Variants in SLC1A3 observed in about 807,000 individuals in gnomAD.
SLC1A3 encodes solute carrier family 1 member 3, also known as excitatory amino acid transporter 1.
Under a neutral mutation model 48.1 loss-of-function variants are expected in SLC1A3, and 21 were observed. The observed-to-expected ratio is 0.44, with a 90% CI of 0.31 to 0.63. The LOEUF (loss-of-function observed/expected upper bound fraction) is 0.63. Ranked by LOEUF, SLC1A3 falls within the 20% of genes least tolerant of loss-of-function variation. SLC1A3 has a pLI of 0.08. For missense variants in SLC1A3, 546 were observed against 689.0 expected (o/e 0.79, Z 2.32); for synonymous variants, 239 against 251.4 (o/e 0.95, Z 0.47).
chr5:36,603,715 A>G (rs149650723), upstream of SLC1A3, among the ~76,000 whole-genome samples: 1 of 152,308 alleles, frequency 6.6e-6, no homozygotes, highest in East Asian at 1.9e-4. Flanking sequence ...ATCCACTGTT[A>G]CACTCTGGGG....
At chr5:36,624,425 T>G (rs1011388740) in intron 2 of SLC1A3, among the ~76,000 whole-genome samples, 8 of 152,200 alleles carry the variant, frequency 5.3e-5, no homozygotes, top group African/African-American at 1.7e-4. Context: ...CTCCATGGAC[T>G]TAGGTGAGCA....
chr5:36,609,742 A>G (rs1316557851), intron 2 of SLC1A3, among the ~76,000 whole-genome samples: 1 of 152,202 alleles, frequency 6.6e-6, no homozygotes, highest in Non-Finnish European at 1.5e-5. Context: ...ATTTAGAGAT[A>G]TTCAAAGAGA....
At chr5:36,627,433 G>A (rs1354576937) in intron 2 of SLC1A3, among the ~76,000 whole-genome samples, 2 of 151,778 alleles carry the variant, frequency 1.3e-5, no homozygotes, top group African/African-American at 4.8e-5. Flanking sequence ...AAGCAATTTC[G>A]TAACATGGAT....
chr5:36,656,464 A>C (rs1393754814), intron 3 of SLC1A3, among the ~76,000 whole-genome samples: 1 of 152,168 alleles, frequency 6.6e-6, no homozygotes, highest in Non-Finnish European at 1.5e-5. Context: ...ACATGAGCTA[A>C]ATATTTTTCA....
In SLC1A3 at chr5:36,632,927, G is replaced by C. The variant is rs139055890; in HGVS notation, c.319+3340G>C. On this transcript the variant is annotated intron_variant, in intron 3 of 9. Transcript: ENST00000265113. ...ATCCCTGGTGTGTATTAGCATTCCA[G>C]AGGCTGCCAGAAAGAAGCTGGGAGG... is the stretch of plus-strand genomic sequence containing the variant. Among the ~76,000 whole-genome samples the C allele has an allele frequency of 5.3e-3, 806 of 152,288 alleles. 10 individuals are homozygous for C. The highest frequency in any genetic ancestry group is 0.018 in the African/African-American group (759 of 41,558).
upstream of SLC1A3, among the ~76,000 whole-genome samples, chr5:36,602,533 A>G (rs1262561615): frequency 6.6e-6 from 1 of 152,228 alleles, no homozygotes; most frequent in East Asian, 1.9e-4. Context: ...ACTGGGGAAA[A>G]TGTCACTTTT....
At chr5:36,674,211 G>C in intron 5 of SLC1A3, 120 bp downstream of exon 5, 1 of 838,300 alleles carries the variant, frequency 1.2e-6, no homozygotes, top group Non-Finnish European at 2.0e-6. Context: ...TTGTCAACCA[G>C]ATTAAAAACA....
At chr5:36,643,012 A>G (rs1374127627) in intron 3 of SLC1A3, among the ~76,000 whole-genome samples, 3 of 152,242 alleles carry the variant, frequency 2.0e-5, no homozygotes, top group African/African-American at 7.2e-5. Context: ...TCACATGTCC[A>G]TATTCCATAT....
intron 2 of SLC1A3, among the ~76,000 whole-genome samples, chr5:36,615,413 C>G (rs1368631375): frequency 2.6e-5 from 4 of 152,180 alleles, no homozygotes; most frequent in Non-Finnish European, 5.9e-5. Flanking sequence ...GTTTCCAGGG[C>G]ATGACACTGT....
At chr5:36,657,119 G>A (rs955012515) in intron 3 of SLC1A3, among the ~76,000 whole-genome samples, 2 of 152,128 alleles carry the variant, frequency 1.3e-5, no homozygotes, top group African/African-American at 4.8e-5. Context: ...CCTATCTAGA[G>A]GGGAAGGATA....
intron 5 of SLC1A3, among the ~76,000 whole-genome samples, chr5:36,676,539 T>C (rs1230310614): frequency 6.6e-6 from 1 of 152,210 alleles, no homozygotes; most frequent in African/African-American, 2.4e-5. Flanking sequence ...ATTATAGTCA[T>C]TTTATTAGGG....
intron 2 of SLC1A3, among the ~76,000 whole-genome samples, chr5:36,625,429 C>T (rs547767784): frequency 1.5e-4 from 23 of 152,276 alleles, no homozygotes; most frequent in African/African-American, 5.5e-4. Context: ...TGCACTCCAG[C>T]TTGGGTGACG....
intron 3 of SLC1A3, among the ~76,000 whole-genome samples, chr5:36,641,615 C>T (rs1345691069): frequency 6.6e-6 from 1 of 152,048 alleles, no homozygotes; most frequent in East Asian, 1.9e-4. Flanking sequence ...TGGAATCTTG[C>T]CATTTCTTTT....
At chr5:36,625,406 G>A (rs1475592815) in intron 2 of SLC1A3, among the ~76,000 whole-genome samples, 2 of 152,178 alleles carry the variant, frequency 1.3e-5, no homozygotes, top group African/African-American at 2.4e-5. Context: ...GCAGTGAGCC[G>A]AGATTGTGCC....
intron 3 of SLC1A3, among the ~76,000 whole-genome samples, chr5:36,632,596 T>C (rs879333783): frequency 6.6e-6 from 1 of 152,226 alleles, no homozygotes; most frequent in East Asian, 1.9e-4. Flanking sequence ...CATGCTCCCA[T>C]AGGAAATATT....
At chr5:36,626,432 C>T (rs745896853) in intron 2 of SLC1A3, among the ~76,000 whole-genome samples, 55 of 152,296 alleles carry the variant, frequency 3.6e-4, no homozygotes, top group Admixed American at 4.6e-4. Context: ...AAGTGTATTT[C>T]TAATAACAAA....
rs76967555 is a variant in SLC1A3 at position 36,670,848 on chromosome 5, T to C, written c.320-181T>C. Reference sequence around the variant, plus strand: ...TGACACTGCTGATGCCTCACCATTCTAGCCTCGGCCTTTTCCCTTCACCTT... The same window carrying C: ...TGACACTGCTGATGCCTCACCATTCCAGCCTCGGCCTTTTCCCTTCACCTT... On this transcript the variant is annotated intron_variant, in intron 3 of 9. Coordinates refer to ENST00000265113, the MANE Select transcript of SLC1A3 (RefSeq NM_004172.5). The C allele has an allele frequency of 1.8e-3, 1,146 of 650,422 alleles. 18 individuals carry two copies. In the African/African-American group the frequency reaches 0.019, roughly 11 times the overall value. 40.3% of individuals were successfully genotyped at this position (650,422 alleles called of 1,614,324 possible).
chr5:36,607,718 T>C (rs920736934), intron 1 of SLC1A3, among the ~76,000 whole-genome samples: 2 of 152,178 alleles, frequency 1.3e-5, no homozygotes, highest in Non-Finnish European at 2.9e-5. Flanking sequence ...ATGAAAAAAT[T>C]ACCCTGTAAA....
intron 3 of SLC1A3, among the ~76,000 whole-genome samples, chr5:36,630,820 AC>A (rs1317278928): frequency 6.6e-5 from 10 of 152,230 alleles, no homozygotes; most frequent in Non-Finnish European, 1.2e-4. Flanking sequence ...GATTGCATGT[AC>A]ATATGCTTTC....
Sources: gnomAD v4.1 joint callset for allele counts (sites outside exome capture counted in the v4.1 genomes callset) on GRCh38, gnomAD v4.1.1 for gene constraint, MANE v1.5 for transcripts, NCBI Gene and HGNC (gene_info 2026-07-23, HGNC 2026-07-21) for gene names.